SLC35F4: variants seen among roughly 807,000 people sequenced by gnomAD.
SLC35F4 encodes the protein chromosome 14 open reading frame 36.
SLC35F4 carries 24 observed loss-of-function variants against 44.2 expected under a neutral mutation model. The ratio of observed to expected loss-of-function variants is 0.54; its 90% confidence interval spans 0.39 to 0.76. The LOEUF (loss-of-function observed/expected upper bound fraction) is 0.76, where lower values mean the gene tolerates loss of function less well. SLC35F4 is among the 30% of genes least tolerant of loss of function. The pLI is 0.00. For synonymous variants in SLC35F4, 238 were observed against 223.6 expected (o/e 1.06, Z -0.57); for missense variants, 562 against 586.1 (o/e 0.96, Z 0.42).
At chr14:57,856,813 G>C (rs1251197533) in intron 1 of SLC35F4, among the ~76,000 whole-genome samples, 4 of 151,998 alleles carry the variant, frequency 2.6e-5, no homozygotes, top group African/African-American at 4.8e-5. Context: ...TATTTCACTA[G>C]TAATAGAGAA....
intron 1 of SLC35F4, among the ~76,000 whole-genome samples, chr14:57,730,292 T>C (rs1472443206): frequency 2.6e-5 from 4 of 152,222 alleles, no homozygotes; most frequent in Non-Finnish European, 5.9e-5. Context: ...TATTCCACCA[T>C]CTTTCTCCAT....
intron 1 of SLC35F4, among the ~76,000 whole-genome samples, chr14:57,772,702 T>C (rs1207208759): frequency 4.6e-5 from 7 of 152,246 alleles, no homozygotes; most frequent in Non-Finnish European, 8.8e-5. Context: ...TGATATTTCA[T>C]GGCTGCATAG....
At chr14:57,731,429 G>T (rs1319005048) in intron 1 of SLC35F4, among the ~76,000 whole-genome samples, 3 of 152,194 alleles carry the variant, frequency 2.0e-5, no homozygotes, top group Non-Finnish European at 4.4e-5. Context: ...TTCTTCATGG[G>T]AGGGTCATCC....
intron 1 of SLC35F4, among the ~76,000 whole-genome samples, chr14:57,819,374 TC>T (rs1016757881): frequency 6.6e-6 from 1 of 152,092 alleles, no homozygotes; most frequent in African/African-American, 2.4e-5. Context: ...AAGGAGAATC[TC>T]CTAATTAATT....
At chr14:57,879,150 A>G (rs1165396974) in intron 1 of SLC35F4, among the ~76,000 whole-genome samples, 2 of 152,180 alleles carry the variant, frequency 1.3e-5, no homozygotes, top group East Asian at 1.9e-4. Context: ...GAAAAACTCT[A>G]AAGTAGGAAC....
intron 1 of SLC35F4, among the ~76,000 whole-genome samples, chr14:57,781,316 G>T (rs1167306834): frequency 6.6e-6 from 1 of 152,124 alleles, no homozygotes; most frequent in Non-Finnish European, 1.5e-5. Flanking sequence ...ATTTTTAAAA[G>T]CTCAATATCA....
chr14:57,802,228 T>C (rs908595857), intron 1 of SLC35F4, among the ~76,000 whole-genome samples: 1 of 152,086 alleles, frequency 6.6e-6, no homozygotes, highest in Non-Finnish European at 1.5e-5. Context: ...TCCTGAATGA[T>C]TCTTGGGTAA....
chr14:57,729,400 C>G (rs917245690), intron 1 of SLC35F4, among the ~76,000 whole-genome samples: 17 of 152,186 alleles, frequency 1.1e-4, no homozygotes, highest in African/African-American at 4.1e-4. Context: ...TGGCATACTC[C>G]TCGGGTATTG....
At chr14:57,919,662 C>A (rs965475944) in intron 1 of SLC35F4, among the ~76,000 whole-genome samples, 19 of 152,008 alleles carry the variant, frequency 1.2e-4, no homozygotes, top group African/African-American at 4.6e-4. Context: ...GGTGGGGGAG[C>A]GTGGACAGAG....
intron 1 of SLC35F4, among the ~76,000 whole-genome samples, chr14:57,957,266 A>C (rs567143872): frequency 1.3e-5 from 2 of 152,066 alleles, no homozygotes; most frequent in Non-Finnish European, 2.9e-5. Context: ...AGGGAGGGGA[A>C]TATCACACAC....
At chr14:57,920,558 G>A (rs765787558) in intron 1 of SLC35F4, among the ~76,000 whole-genome samples, 1 of 152,200 alleles carries the variant, frequency 6.6e-6, no homozygotes, top group African/African-American at 2.4e-5. Context: ...GGGCAACAGA[G>A]TGAGAGCCTG....
At chr14:57,581,185 A>G (rs2069225933) in intron 4 of SLC35F4, 29 bp downstream of exon 4, 1 of 1,490,092 alleles carries the variant, frequency 6.7e-7, no homozygotes, top group Non-Finnish European at 8.9e-7. Flanking sequence ...AAAGGCAGGC[A>G]TCGCGCATTG....
chr14:57,590,324 T>G (rs946707672), intron 2 of SLC35F4, among the ~76,000 whole-genome samples: 1 of 151,970 alleles, frequency 6.6e-6, no homozygotes. Flanking sequence ...GCCCAGGAGT[T>G]TGAGGCTGCA....
intron 1 of SLC35F4, among the ~76,000 whole-genome samples, chr14:57,916,177 A>G (rs147919953): frequency 6.6e-6 from 1 of 152,328 alleles, no homozygotes; most frequent in Non-Finnish European, 1.5e-5. Context: ...GAAAGACAGG[A>G]CAGAAAAGGG....
At chr14:57,896,074 G>C (rs563732679) in intron 1 of SLC35F4, among the ~76,000 whole-genome samples, 3 of 152,268 alleles carry the variant, frequency 2.0e-5, no homozygotes, top group South Asian at 4.2e-4. Context: ...AGACTGATCA[G>C]AACACTAGTG....
intron 1 of SLC35F4, among the ~76,000 whole-genome samples, chr14:57,777,991 T>C (rs1023812110): frequency 1.3e-5 from 2 of 152,152 alleles, no homozygotes; most frequent in Admixed American, 6.5e-5. Flanking sequence ...TCATCTTGAA[T>C]TGTAACTCCC....
chr14:57,924,571 C>T (rs568132178), intron 1 of SLC35F4, among the ~76,000 whole-genome samples: 15 of 152,178 alleles, frequency 9.9e-5, no homozygotes, highest in African/African-American at 3.4e-4. Flanking sequence ...GCCTCAGCCT[C>T]CTGAGTAGCT....
chr14:57,650,848 A>C (rs954767206), intron 1 of SLC35F4, among the ~76,000 whole-genome samples: 1 of 152,028 alleles, frequency 6.6e-6, no homozygotes, highest in Non-Finnish European at 1.5e-5. Context: ...AAGTTTGTTC[A>C]TGTATCAAGG....
chr14:57,941,940 G>A (rs1279073853), intron 1 of SLC35F4, among the ~76,000 whole-genome samples: 1 of 152,184 alleles, frequency 6.6e-6, no homozygotes, highest in African/African-American at 2.4e-5. Context: ...GCAGCTGCCA[G>A]GTCTGCATCT....
Sources: gnomAD v4.1 joint callset for allele counts (sites outside exome capture counted in the v4.1 genomes callset) on GRCh38, gnomAD v4.1.1 for gene constraint, MANE v1.5 for transcripts, NCBI Gene and HGNC (gene_info 2026-07-23, HGNC 2026-07-21) for gene names.